Variants in SLC8A1 observed in about 807,000 individuals in gnomAD.
SLC8A1 encodes solute carrier family 8 member A1.
SLC8A1 carries 18 observed loss-of-function variants against 68.3 expected under a neutral mutation model. The observed-to-expected ratio is 0.26, with a 90% confidence interval of 0.18 to 0.39. SLC8A1 has a LOEUF of 0.39. Among genes scored for constraint, SLC8A1 ranks in the 10% least tolerant of loss-of-function variants. The probability of loss-of-function intolerance (pLI) is 1.00; values close to 1 mark genes in which losing one functional copy is unlikely to be tolerated. For synonymous variants in SLC8A1, 475 were observed against 415.5 expected (o/e 1.14, Z -1.74); for missense variants, 985 against 1,156.7 (o/e 0.85, Z 2.15).
At chr2:40,266,916 A>G (rs1190357167) in intron 2 of SLC8A1, among the ~76,000 whole-genome samples, 1 of 152,200 alleles carries the variant, frequency 6.6e-6, no homozygotes, top group Non-Finnish European at 1.5e-5. Context: ...ATGACTGAGG[A>G]TGAAACATCT....
chr2:40,154,587 A>G (rs1333102104), intron 6 of SLC8A1, among the ~76,000 whole-genome samples: 1 of 149,250 alleles, frequency 6.7e-6, no homozygotes, highest in Non-Finnish European at 1.5e-5. Context: ...TCAGACTCCC[A>G]AAGTATTGGG....
At chr2:40,302,302 C>A (rs1207508480) in intron 2 of SLC8A1, among the ~76,000 whole-genome samples, 1 of 151,862 alleles carries the variant, frequency 6.6e-6, no homozygotes, top group Non-Finnish European at 1.5e-5. Context: ...GCTTAGCTCC[C>A]ATTTATGAGT....
At chr2:40,452,280 C>G (rs1050431429), upstream of SLC8A1, among the ~76,000 whole-genome samples, 9 of 151,680 alleles carry the variant, frequency 5.9e-5, no homozygotes, top group African/African-American at 2.2e-4. Flanking sequence ...CCCCTGCGCG[C>G]CCCTTGGGCT....
chr2:40,286,478 G>A (rs1157483392), intron 2 of SLC8A1, among the ~76,000 whole-genome samples: 1 of 152,200 alleles, frequency 6.6e-6, no homozygotes, highest in Non-Finnish European at 1.5e-5. Context: ...ATCCCTGATT[G>A]TAGAAGACAG....
At chr2:40,288,901 T>C (rs1381112839) in intron 2 of SLC8A1, among the ~76,000 whole-genome samples, 1 of 148,296 alleles carries the variant, frequency 6.7e-6, no homozygotes, top group African/African-American at 2.5e-5. Context: ...GATCTCATAA[T>C]GTTGCCTGGG....
At chr2:40,271,460 G>A (rs753698655) in intron 2 of SLC8A1, among the ~76,000 whole-genome samples, 6 of 151,952 alleles carry the variant, frequency 3.9e-5, no homozygotes, top group Non-Finnish European at 7.4e-5. Flanking sequence ...CTCTGACCAC[G>A]CTCACTAAAA....
intron 7 of SLC8A1, among the ~76,000 whole-genome samples, chr2:40,130,758 A>G (rs1017540981): frequency 2.6e-5 from 4 of 152,168 alleles, no homozygotes; most frequent in Admixed American, 6.5e-5. Flanking sequence ...TAGCCATCCA[A>G]TTAAATATGT....
intron 2 of SLC8A1, among the ~76,000 whole-genome samples, chr2:40,288,849 A>ATATATATATATATATATATATATATATG (rs1553476848): frequency 4.7e-4 from 65 of 138,728 alleles, no homozygotes; most frequent in African/African-American, 1.8e-3. Context: ...ATATATATAT[A>ATATATATATATATATATATATATATATG]TATGTATATA....
intron 2 of SLC8A1, among the ~76,000 whole-genome samples, chr2:40,225,631 A>C (rs1388745655): frequency 6.6e-6 from 1 of 152,162 alleles, no homozygotes; most frequent in Non-Finnish European, 1.5e-5. Flanking sequence ...AATCAGGTTA[A>C]AACAAGGAAC....
At chr2:40,463,825 TACACACACACACATAC>T (rs1162986928) in intron 1 of SLC8A1, among the ~76,000 whole-genome samples, 75 of 108,338 alleles carry the variant, frequency 6.9e-4, no homozygotes, top group Non-Finnish European at 9.2e-4. Context: ...GATATATACA[TACACACACACACATAC>T]ACACACACAC....
chr2:40,122,236 G>GCGCA (rs1553339256), intron 7 of SLC8A1, among the ~76,000 whole-genome samples: 25 of 149,496 alleles, frequency 1.7e-4, no homozygotes, highest in Non-Finnish European at 2.7e-4. Context: ...GTGTGCGCGC[G>GCGCA]CACACACACA....
Position 40,099,099 on chromosome 2 carries a change from T to C in SLC8A1, c.*16154A>G, listed in dbSNP as rs77027705. On this transcript the variant is annotated 3_prime_UTR_variant, in exon 8 of 8. Coordinates refer to ENST00000406785, the Ensembl canonical transcript of SLC8A1. ...CTCATTAATACTAGAGAAGATACTT[T>C]ATGCAAGCATTTCTAACAGTGTTGC... 3.3e-5 allele frequency: 5 copies of C among 152,184 alleles called. No individual in the cohort carries two copies. In the East Asian group the frequency reaches 9.6e-4, roughly 29 times the overall value. 9.4% of individuals were successfully genotyped at this position (152,184 alleles called of 1,614,324 possible). A position where few individuals can be genotyped will look rare whatever the true frequency, so the allele number is the denominator to read the frequency against.
At chr2:40,134,397 AAAG>A (rs1558479615) in intron 7 of SLC8A1, among the ~76,000 whole-genome samples, 1 of 151,994 alleles carries the variant, frequency 6.6e-6, no homozygotes. Flanking sequence ...TGGTCTACCT[AAAG>A]TTTTAAAAGT....
intron 1 of SLC8A1, among the ~76,000 whole-genome samples, chr2:40,463,909 C>T (rs1576618411): frequency 7.3e-6 from 1 of 137,436 alleles, no homozygotes; most frequent in African/African-American, 2.8e-5. Flanking sequence ...GAGAGAGAGA[C>T]AGATTGATGG....
At chr2:40,269,733 G>A (rs149134584) in intron 2 of SLC8A1, among the ~76,000 whole-genome samples, 60 of 152,122 alleles carry the variant, frequency 3.9e-4, no homozygotes, top group African/African-American at 1.3e-3. Context: ...ATTTCACCTT[G>A]TTACTCCCCA....
intron 2 of SLC8A1, among the ~76,000 whole-genome samples, chr2:40,307,146 T>C (rs72796676): frequency 0.047 from 6,946 of 148,198 alleles, 206 homozygotes; most frequent in Middle Eastern, 0.069. Context: ...AAATGTGATA[T>C]ACACACACAC....
chr2:40,148,531 T>C (rs761311292), intron 6 of SLC8A1, among the ~76,000 whole-genome samples: 1 of 152,194 alleles, frequency 6.6e-6, no homozygotes, highest in Non-Finnish European at 1.5e-5. Flanking sequence ...CAATACAAAG[T>C]GATGGCAGTT....
At chr2:40,134,833 C>A (rs1341914583) in intron 7 of SLC8A1, among the ~76,000 whole-genome samples, 1 of 152,014 alleles carries the variant, frequency 6.6e-6, no homozygotes, top group Non-Finnish European at 1.5e-5. Flanking sequence ...ATTCTAGGCA[C>A]TAGATTAGTG....
chr2:40,277,514 T>G (rs1249532635), intron 2 of SLC8A1, among the ~76,000 whole-genome samples: 1 of 151,962 alleles, frequency 6.6e-6, no homozygotes, highest in Non-Finnish European at 1.5e-5. Context: ...CCCTCCAGCC[T>G]GGGCAACAGA....
Sources: allele counts gnomAD v4.1 joint callset (sites outside exome capture counted in the v4.1 genomes callset), GRCh38; gene constraint gnomAD v4.1.1; transcripts MANE v1.5; gene names NCBI Gene and HGNC (gene_info 2026-07-23, HGNC 2026-07-21).